The following CD53 variants were observed in gnomAD, a reference collection of about 807,000 sequenced individuals.
CD53 encodes CD53 molecule, also known as leukocyte surface antigen CD53.
In CD53, 20 loss-of-function variants were observed where a neutral mutation model predicts 27.3. The observed-to-expected ratio is 0.73, with a 90% CI of 0.52 to 1.07. CD53 has a LOEUF of 1.07. Ranked by LOEUF, CD53 falls within the 50% of genes least tolerant of loss-of-function variation. The pLI, the probability that CD53 is intolerant of heterozygous loss-of-function variation, is 0.00. For synonymous variants in CD53, 106 were observed against 105.3 expected (o/e 1.01, Z -0.04); for missense variants, 216 against 264.0 (o/e 0.82, Z 1.26).
intron 1 of CD53, among the ~76,000 whole-genome samples, chr1:110,877,030 C>T (rs1391954006): frequency 6.6e-6 from 1 of 152,150 alleles, no homozygotes; most frequent in Non-Finnish European, 1.5e-5. Flanking sequence ...AACACTTATG[C>T]AATATAATTA....
chr1:110,898,838 G>A (rs1337842329), intron 7 of CD53, among the ~76,000 whole-genome samples: 15 of 152,158 alleles, frequency 9.9e-5, no homozygotes, highest in African/African-American at 3.4e-4. Context: ...TGTTCAGTGA[G>A]CAGAATATGA....
At chr1:110,879,690 A>G (rs1259373225) in intron 1 of CD53, among the ~76,000 whole-genome samples, 2 of 152,168 alleles carry the variant, frequency 1.3e-5, no homozygotes, top group African/African-American at 2.4e-5. Flanking sequence ...GGATCAGATA[A>G]GGCTGAAGAT....
chr1:110,897,282 A>G (rs919566574), intron 6 of CD53, among the ~76,000 whole-genome samples: 28 of 152,240 alleles, frequency 1.8e-4, no homozygotes, highest in Non-Finnish European at 7.3e-5. Context: ...AACTAGACCG[A>G]ATCCCTGAGG....
intron 1 of CD53, among the ~76,000 whole-genome samples, chr1:110,890,017 AC>A: frequency 6.6e-6 from 1 of 152,212 alleles, no homozygotes; most frequent in East Asian, 1.9e-4. Flanking sequence ...AGAGAAATTC[AC>A]TTTATTGTGG....
chr1:110,890,826 G>GT (rs1656821702), intron 1 of CD53, among the ~76,000 whole-genome samples: 1 of 152,158 alleles, frequency 6.6e-6, no homozygotes, highest in South Asian at 2.1e-4. Context: ...CTTAGTCATG[G>GT]TTGCATCTTC....
intron 1 of CD53, among the ~76,000 whole-genome samples, chr1:110,883,678 G>A (rs1262317545): frequency 1.3e-5 from 2 of 151,846 alleles, no homozygotes; most frequent in East Asian, 3.9e-4. Flanking sequence ...TGGACTAGCA[G>A]TTTTCTTTAT....
intron 2 of CD53, among the ~76,000 whole-genome samples, chr1:110,892,109 A>G (rs1656876458): frequency 6.6e-6 from 1 of 152,206 alleles, no homozygotes; most frequent in African/African-American, 2.4e-5. Context: ...CACAGAAGTG[A>G]TCTTTCCTTG....
intron 1 of CD53, among the ~76,000 whole-genome samples, chr1:110,881,016 T>C (rs145613568): frequency 4.4e-4 from 67 of 152,254 alleles, no homozygotes; most frequent in Middle Eastern, 3.4e-3. Flanking sequence ...GAAGGAAGCA[T>C]TAAGACAAGG....
upstream of CD53, among the ~76,000 whole-genome samples, chr1:110,871,919 GA>G (rs1363542912): frequency 6.6e-6 from 1 of 151,786 alleles, no homozygotes; most frequent in African/African-American, 2.4e-5. Flanking sequence ...GAATATTAAG[GA>G]CTGACAAGTT....
chr1:110,892,392 C>T lies in CD53; in HGVS notation c.111C>T (p.His37=), dbSNP rs1314471944. Residue 37 remains histidine (H), a synonymous_variant, in exon 3 of 8, where the codon CAC becomes CAT. Coordinates refer to ENST00000271324, the MANE Select transcript of CD53 (RefSeq NM_000560.4). ...GCTTTGGGATCTACCTGCTGATCCA[C>T]AACAACTTCGGAGTGCTCTTCCATA... ...ILGFGIYLLI[H]NNFGVLFHNL... 1 of 1,613,996 alleles carries T rather than the reference C, an allele frequency of 6.2e-7. No individual in the cohort carries two copies. Among genetic ancestry groups the T allele is most frequent in the East Asian group, 2.2e-5 (1 of 44,884 alleles).
intron 1 of CD53, among the ~76,000 whole-genome samples, chr1:110,884,714 A>T (rs1445642000): frequency 1.3e-5 from 2 of 151,332 alleles, no homozygotes; most frequent in South Asian, 2.1e-4. Flanking sequence ...ATCCTTGATA[A>T]TTTTTTCTGT....
rs375258832 is a variant in CD53, at chr1:110,891,384, T to C, written c.-17-8T>C. The C allele has an allele frequency of 1.3e-5, 21 of 1,597,464 alleles. No homozygotes were observed. In the African/African-American group the frequency reaches 2.5e-4, roughly 19 times the overall value. On this transcript the variant is annotated splice_polypyrimidine_tract_variant and splice_region_variant and intron_variant, in intron 1 of 7. Transcript: ENST00000271324. ...AGGTAACTTACTTTCTTCTTCCTTA[T>C]TCCTTAGGGCAAGAATATCACGGCA...
rs1277380203 is a variant in CD53 at position 110,892,490 on chromosome 1, G to A, written c.209G>A (p.Gly70Asp). Reference sequence around the variant, plus strand: ...ATTATCATGGTAGTTGCCTTCCTGGGCTGCATGGGCTCTATCAAGGAAAAC... The same window carrying A: ...ATTATCATGGTAGTTGCCTTCCTGGACTGCATGGGCTCTATCAAGGAAAAC... ...GSIIMVVAFL[G>D]CMGSIKENKC... Residue 70 changes from glycine to aspartate, a missense_variant, in exon 3 of 8, where the codon GGC becomes GAC. Transcript: ENST00000271324. The A allele has an allele frequency of 1.2e-6, 2 of 1,613,994 alleles. No individual in the cohort carries two copies. The highest frequency in any genetic ancestry group is 2.7e-5 in the African/African-American group (2 of 74,898).
intron 6 of CD53, 145 bp downstream of exon 6, chr1:110,896,878 G>C (rs1657085987): frequency 1.5e-6 from 1 of 656,390 alleles, no homozygotes; most frequent in Non-Finnish European, 2.6e-6. Flanking sequence ...ACAACCTTGG[G>C]TAATTAGAAA....
upstream of CD53, among the ~76,000 whole-genome samples, chr1:110,871,742 C>T (rs568281425): frequency 6.6e-4 from 100 of 151,206 alleles, 1 homozygote; most frequent in Middle Eastern, 6.8e-3. Flanking sequence ...TGATTCCAGC[C>T]GAGGTGCAGA....
intron 7 of CD53, among the ~76,000 whole-genome samples, chr1:110,898,453 A>G (rs1004435349): frequency 6.6e-6 from 1 of 151,850 alleles, no homozygotes; most frequent in East Asian, 1.9e-4. Flanking sequence ...CATGATTCAC[A>G]GTCAAACAAA....
At chr1:110,872,189 A>G (rs146505091), upstream of CD53, among the ~76,000 whole-genome samples, 89 of 152,288 alleles carry the variant, frequency 5.8e-4, no homozygotes, top group East Asian at 0.016. Context: ...TACTCCTTTG[A>G]CCCAATCTAA....
At chr1:110,892,253 T>C (rs575615206) in intron 2 of CD53, 92 bp from the exon 3 acceptor site, 4 of 937,208 alleles carry the variant, frequency 4.3e-6, no homozygotes, top group Non-Finnish European at 7.1e-6. Context: ...CAGTTAAAAA[T>C]AAAGTGATTC....
In CD53 at chr1:110,899,432, T is replaced by C. The variant is rs1657209914; in HGVS notation, c.*237T>C. 2.4e-6 allele frequency: 1 copy of C among 424,598 alleles called. No homozygotes were observed. The highest frequency in any genetic ancestry group is 4.3e-5 in the East Asian group (1 of 23,386). 26.3% of individuals were successfully genotyped at this position (424,598 alleles called of 1,614,324 possible). A position where few individuals can be genotyped will look rare whatever the true frequency, so the allele number is the denominator to read the frequency against. Reference sequence around the variant, plus strand: ...GCCATGTCTCTCAAAGTGGTGAAACTAATATCTGAGCATCTTTTAGACAAG... The same window carrying C: ...GCCATGTCTCTCAAAGTGGTGAAACCAATATCTGAGCATCTTTTAGACAAG... On this transcript the variant is annotated 3_prime_UTR_variant, in exon 8 of 8. Transcript: ENST00000271324.
Sources: gnomAD v4.1 joint callset for allele counts (sites outside exome capture counted in the v4.1 genomes callset) on GRCh38, gnomAD v4.1.1 for gene constraint, MANE v1.5 for transcripts, NCBI Gene and HGNC (gene_info 2026-07-23, HGNC 2026-07-21) for gene names.